GLIS3: variants seen among roughly 807,000 people sequenced by gnomAD.
GLIS3 encodes the protein GLIS family zinc finger 3.
Under a neutral mutation model 78.6 loss-of-function variants are expected in GLIS3, and 53 were observed. The observed-to-expected ratio is 0.67, with a 90% CI of 0.54 to 0.85. GLIS3 has a LOEUF of 0.85. GLIS3 is among the 40% of genes least tolerant of loss of function. The probability of loss-of-function intolerance (pLI) is 0.00; values close to 1 mark genes in which losing one functional copy is unlikely to be tolerated. For synonymous variants in GLIS3, 684 were observed against 509.9 expected, an observed-to-expected ratio of 1.34 and a Z score of -4.60; for missense variants, 1,703 against 1,231.1, an observed-to-expected ratio of 1.38 and a Z score of -5.74.
At chr9:3,966,498 A>G (rs1171966438) in intron 4 of GLIS3, among the ~76,000 whole-genome samples, 2 of 152,046 alleles carry the variant, frequency 1.3e-5, no homozygotes, top group African/African-American at 4.8e-5. Context: ...AACTGCTTTA[A>G]AATTTTACCT....
Position 4,214,018 on chromosome 9 carries a change from G to C in GLIS3, c.388+72020C>G, listed in dbSNP as rs547279086. On this transcript the variant is annotated intron_variant, in intron 2 of 10. Transcript: ENST00000381971. Reference sequence around the variant, plus strand: ...TTATTAAAAAAAATAAGTAAGGCAAGGTTAAGAGATAGTGCTGGAGTGAGT... The same window carrying C: ...TTATTAAAAAAAATAAGTAAGGCAACGTTAAGAGATAGTGCTGGAGTGAGT... Among the ~76,000 whole-genome samples, 153 of 152,062 alleles carry C rather than the reference G, an allele frequency of 1.0e-3. 1 individual carries two copies. Among genetic ancestry groups the C allele is most frequent in the African/African-American group, 3.6e-3 (148 of 41,478 alleles).
At chr9:4,058,947 A>C (rs193049972) in intron 4 of GLIS3, among the ~76,000 whole-genome samples, 1 of 151,062 alleles carries the variant, frequency 6.6e-6, no homozygotes, top group African/African-American at 2.4e-5. Context: ...GCGCCACTGC[A>C]CTCCAGCGTG....
intron 4 of GLIS3, among the ~76,000 whole-genome samples, chr9:3,973,916 T>C (rs1331911605): frequency 6.6e-6 from 1 of 152,146 alleles, no homozygotes; most frequent in Non-Finnish European, 1.5e-5. Flanking sequence ...GCTAACCAAA[T>C]TTTTTATTGT....
At chr9:4,045,435 A>C (rs1825166945) in intron 4 of GLIS3, among the ~76,000 whole-genome samples, 1 of 151,816 alleles carries the variant, frequency 6.6e-6, no homozygotes, top group Non-Finnish European at 1.5e-5. Flanking sequence ...TCCCAGGTTC[A>C]AGCAATTCTC....
chr9:4,049,517 C>T (rs921937112), intron 4 of GLIS3, among the ~76,000 whole-genome samples: 7 of 152,290 alleles, frequency 4.6e-5, no homozygotes, highest in Admixed American at 2.6e-4. Flanking sequence ...GCAGGAGTGT[C>T]GTGTACTGAG....
chr9:3,974,653 C>A (rs1212216767), intron 4 of GLIS3, among the ~76,000 whole-genome samples: 2 of 152,100 alleles, frequency 1.3e-5, no homozygotes, highest in East Asian at 3.8e-4. Context: ...GAAACTATTA[C>A]AAGTTTAAAA....
chr9:4,280,408 T>C (rs1256622559), intron 2 of GLIS3, among the ~76,000 whole-genome samples: 1 of 152,228 alleles, frequency 6.6e-6, no homozygotes, highest in Non-Finnish European at 1.5e-5. Flanking sequence ...ATTTTGGTTA[T>C]ATAACATGAA....
At chr9:4,225,637 G>C (rs1336542004) in intron 2 of GLIS3, among the ~76,000 whole-genome samples, 1 of 152,168 alleles carries the variant, frequency 6.6e-6, no homozygotes, top group Non-Finnish European at 1.5e-5. Flanking sequence ...CTAACTAACT[G>C]CTTCTTAATG....
At chr9:4,250,058 A>T (rs1315429547) in intron 2 of GLIS3, among the ~76,000 whole-genome samples, 2 of 152,198 alleles carry the variant, frequency 1.3e-5, no homozygotes, top group African/African-American at 4.8e-5. Flanking sequence ...GATGTTCATC[A>T]GGGATATTGG....
chr9:4,151,738 CTA>C (rs1416340608), intron 2 of GLIS3, among the ~76,000 whole-genome samples: 1 of 152,136 alleles, frequency 6.6e-6, no homozygotes, highest in East Asian at 1.9e-4. Flanking sequence ...TTCATTATGT[CTA>C]TGAGTTTGGA....
At chr9:4,232,112 G>A (rs144386387) in intron 2 of GLIS3, among the ~76,000 whole-genome samples, 182 of 152,184 alleles carry the variant, frequency 1.2e-3, no homozygotes, top group African/African-American at 3.2e-3. Context: ...GCATGGAGAC[G>A]CACACCTGTA....
At chr9:4,080,689 G>A (rs1258473784) in intron 4 of GLIS3, among the ~76,000 whole-genome samples, 4 of 152,210 alleles carry the variant, frequency 2.6e-5, no homozygotes, top group South Asian at 4.2e-4. Context: ...TCCTGGCCCT[G>A]AGTAGGACAT....
the GLIS3 span, among the ~76,000 whole-genome samples, chr9:4,363,961 G>A: frequency 6.6e-6 from 1 of 152,164 alleles, no homozygotes; most frequent in South Asian, 2.1e-4. Flanking sequence ...TTACAAAAGA[G>A]ATTTCAAGAG....
chr9:3,899,995 T>A (rs1213784696), intron 6 of GLIS3, among the ~76,000 whole-genome samples: 1 of 151,398 alleles, frequency 6.6e-6, no homozygotes, highest in Non-Finnish European at 1.5e-5. Flanking sequence ...TTGAAAGAAG[T>A]GAGGAATAAG....
At chr9:4,166,035 T>G (rs1835863625) in intron 2 of GLIS3, among the ~76,000 whole-genome samples, 1 of 152,118 alleles carries the variant, frequency 6.6e-6, no homozygotes, top group Non-Finnish European at 1.5e-5. Flanking sequence ...ACCAGGTGCC[T>G]TCAAAGCCTG....
intron 2 of GLIS3, among the ~76,000 whole-genome samples, chr9:4,227,879 G>C (rs1821911139): frequency 6.6e-6 from 1 of 152,332 alleles, no homozygotes; most frequent in South Asian, 2.1e-4. Context: ...TCCAAGTTCT[G>C]TCCAGGGACC....
At chr9:4,027,304 C>A (rs1266445792) in intron 4 of GLIS3, among the ~76,000 whole-genome samples, 2 of 152,214 alleles carry the variant, frequency 1.3e-5, no homozygotes, top group Non-Finnish European at 1.5e-5. Context: ...CACAAGAAGA[C>A]AATGTAATTC....
At chr9:4,378,364 A>T in the GLIS3 span, among the ~76,000 whole-genome samples, 3 of 152,184 alleles carry the variant, frequency 2.0e-5, no homozygotes, top group Non-Finnish European at 2.9e-5. Context: ...AATATTTCAG[A>T]TACACTGAAA....
chr9:4,267,129 A>C (rs1311264349), intron 2 of GLIS3, among the ~76,000 whole-genome samples: 1 of 152,102 alleles, frequency 6.6e-6, no homozygotes, highest in Admixed American at 6.5e-5. Context: ...TACCCCCTGC[A>C]GACACCCACC....
Sources: gnomAD v4.1 joint callset for allele counts (sites outside exome capture counted in the v4.1 genomes callset) on GRCh38, gnomAD v4.1.1 for gene constraint, MANE v1.5 for transcripts, NCBI Gene and HGNC (gene_info 2026-07-23, HGNC 2026-07-21) for gene names.